CTNNBIP1: variants seen among roughly 807,000 people sequenced by gnomAD.
CTNNBIP1 encodes beta-catenin-interacting protein 1.
CTNNBIP1 carries 7 observed loss-of-function variants against 11.8 expected under a neutral mutation model. The ratio of observed to expected loss-of-function variants is 0.60; its 90% CI spans 0.34 to 1.12. The LOEUF (loss-of-function observed/expected upper bound fraction) is 1.12. CTNNBIP1 is among the 50% of genes most tolerant of loss of function. The pLI is 0.03. For missense variants in CTNNBIP1, 101 were observed against 113.4 expected (o/e 0.89, Z 0.50); for synonymous variants, 58 against 43.9 (o/e 1.32, Z -1.26).
chr1:9,890,674 C>T (rs369894624), intron 1 of CTNNBIP1, among the ~76,000 whole-genome samples: 16 of 152,284 alleles, frequency 1.1e-4, no homozygotes, highest in East Asian at 9.7e-4. Context: ...TGGGTACAAG[C>T]GCCCCCTCAC....
chr1:9,855,976 T>A (rs984282321), intron 5 of CTNNBIP1, among the ~76,000 whole-genome samples: 6 of 152,108 alleles, frequency 3.9e-5, no homozygotes, highest in African/African-American at 9.6e-5. Context: ...TGAAACCCCA[T>A]CTCTACTAAA....
Position 9,858,698 on chromosome 1 carries a change from C to G in CTNNBIP1, c.188-7922G>C, listed in dbSNP as rs188232000. ...TATTGAGCTGACCTTCCTTTCTCCA[C>G]TGGAACGTACATCTCATGTCATCAG... On this transcript the variant is annotated intron_variant, in intron 5 of 5. Coordinates refer to ENST00000377263, the MANE Select transcript of CTNNBIP1 (RefSeq NM_020248.3). Among the ~76,000 whole-genome samples the G allele has an allele frequency of 8.5e-4, 129 of 152,352 alleles. 1 individual carries two copies. The highest frequency in any genetic ancestry group is 3.1e-3 in the African/African-American group (127 of 41,570).
Position 9,872,939 on chromosome 1 carries a change from G to A in CTNNBIP1, c.-24-851C>T, listed in dbSNP as rs561853858. Reference sequence around the variant, plus strand: ...ATAACGCAGCAGCTGCTGGGGTGGAGCCTTATCAGCCCTGGTGCCAAGGAA... The same window carrying A: ...ATAACGCAGCAGCTGCTGGGGTGGAACCTTATCAGCCCTGGTGCCAAGGAA... On this transcript the variant is annotated intron_variant, in intron 3 of 5. Transcript: ENST00000377263. The surrounding 1 kb of genome is among the most constrained non-coding windows in gnomAD (Gnocchi z 4.0). Among the ~76,000 whole-genome samples, 122 of 152,252 alleles carry A rather than the reference G, an allele frequency of 8.0e-4. 1 individual carries two copies. The highest frequency in any genetic ancestry group is 1.3e-3 in the Non-Finnish European group (90 of 68,010).
At chr1:9,861,000 T>C (rs983270632) in intron 5 of CTNNBIP1, among the ~76,000 whole-genome samples, 3 of 152,238 alleles carry the variant, frequency 2.0e-5, no homozygotes, top group African/African-American at 7.2e-5. Flanking sequence ...GTCCAGGGAA[T>C]GCCACCTGGC....
intron 1 of CTNNBIP1, among the ~76,000 whole-genome samples, chr1:9,888,935 G>T (rs930890741): frequency 3.9e-5 from 6 of 152,344 alleles, no homozygotes; most frequent in Non-Finnish European, 8.8e-5. Flanking sequence ...GCCCCGCAAT[G>T]GCCAGAATGC....
At chr1:9,854,817 T>C (rs1638468956) in intron 5 of CTNNBIP1, among the ~76,000 whole-genome samples, 1 of 152,052 alleles carries the variant, frequency 6.6e-6, no homozygotes, top group African/African-American at 2.4e-5. Flanking sequence ...GCTGGGACTA[T>C]AGGTGTGTGC....
intron 5 of CTNNBIP1, among the ~76,000 whole-genome samples, chr1:9,855,897 A>C (rs2101435631): frequency 6.6e-6 from 1 of 152,008 alleles, no homozygotes; most frequent in East Asian, 1.9e-4. Context: ...TCGGCTAATT[A>C]ATTTTTTTTT....
At chr1:9,869,189 A>C (rs1432710572) in intron 5 of CTNNBIP1, among the ~76,000 whole-genome samples, 1 of 151,652 alleles carries the variant, frequency 6.6e-6, no homozygotes, top group Non-Finnish European at 1.5e-5. Context: ...TTGTAGCGAG[A>C]GGGTCTCCCT....
chr1:9,881,863 TG>T (rs1229604086), intron 2 of CTNNBIP1, among the ~76,000 whole-genome samples: 1 of 152,146 alleles, frequency 6.6e-6, no homozygotes, highest in Non-Finnish European at 1.5e-5. Context: ...GGTACAGAAC[TG>T]GGGCCGTGAC....
intron 5 of CTNNBIP1, among the ~76,000 whole-genome samples, chr1:9,866,418 G>A (rs1638746478): frequency 6.6e-6 from 1 of 152,180 alleles, no homozygotes; most frequent in Non-Finnish European, 1.5e-5. Flanking sequence ...TGGAGGCTGG[G>A]CATGGTGGCT....
At position 9,850,599 on chromosome 1, in the gene CTNNBIP1, G is replaced by A; in HGVS notation, c.*119C>T. 1 of 865,208 alleles carries A rather than the reference G, an allele frequency of 1.2e-6. No homozygotes were observed. The highest frequency in any genetic ancestry group is 1.9e-6 in the Non-Finnish European group (1 of 513,110). The allele number at this position is 865,208 out of a possible 1,614,324, so 53.6% of individuals were successfully genotyped here. On this transcript the variant is annotated 3_prime_UTR_variant, in exon 6 of 6. Coordinates refer to ENST00000377263, the MANE Select transcript of CTNNBIP1 (RefSeq NM_020248.3). ...CTGTGAGGTGGGGTGGGGCAGGGCA[G>A]GGTTGGGTAGGGGAAGGGGGAGGTG...
chr1:9,881,034 A>G (rs181974126), intron 2 of CTNNBIP1, among the ~76,000 whole-genome samples: 378 of 151,992 alleles, frequency 2.5e-3, no homozygotes, highest in Non-Finnish European at 4.2e-3. Context: ...CCATCTTTAA[A>G]TTCTTTTTTT....
At chr1:9,905,058 G>A (rs907674695) in intron 1 of CTNNBIP1, among the ~76,000 whole-genome samples, 2 of 152,176 alleles carry the variant, frequency 1.3e-5, no homozygotes, top group Non-Finnish European at 2.9e-5. Flanking sequence ...CCCAGGACAA[G>A]GAGAGCCTAT....
intron 5 of CTNNBIP1, among the ~76,000 whole-genome samples, chr1:9,857,416 G>A (rs1158268408): frequency 2.6e-5 from 4 of 151,236 alleles, no homozygotes; most frequent in South Asian, 2.1e-4. Context: ...GCGTGAACCC[G>A]GGAGGCAGAG....
intron 2 of CTNNBIP1, among the ~76,000 whole-genome samples, chr1:9,882,137 G>T (rs1196013968): frequency 6.6e-6 from 1 of 152,138 alleles, no homozygotes; most frequent in African/African-American, 2.4e-5. Context: ...GGGAGAGGCT[G>T]GCTGCCAATG....
chr1:9,858,409 T>G (rs984429572), intron 5 of CTNNBIP1, among the ~76,000 whole-genome samples: 1 of 152,172 alleles, frequency 6.6e-6, no homozygotes, highest in Non-Finnish European at 1.5e-5. Flanking sequence ...TGACTGCCAC[T>G]TCGCCTCCCT....
chr1:9,908,584 G>C (rs1438792051), intron 1 of CTNNBIP1, among the ~76,000 whole-genome samples: 1 of 151,406 alleles, frequency 6.6e-6, no homozygotes, highest in Admixed American at 6.6e-5. Flanking sequence ...CCGTGGTCTC[G>C]ATCTCCTAAC....
At chr1:9,879,256 G>T (rs1042297688) in intron 2 of CTNNBIP1, among the ~76,000 whole-genome samples, 1 of 152,024 alleles carries the variant, frequency 6.6e-6, no homozygotes, top group African/African-American at 2.4e-5. Flanking sequence ...ACTACCACAG[G>T]GCTCTCCGCT....
At chr1:9,873,795 C>T (rs931889545) in intron 3 of CTNNBIP1, among the ~76,000 whole-genome samples, 13 of 152,292 alleles carry the variant, frequency 8.5e-5, no homozygotes, top group East Asian at 3.9e-4. Flanking sequence ...AGTGTAGTGG[C>T]GCGATCATAG....
Sources: allele counts gnomAD v4.1 joint callset (sites outside exome capture counted in the v4.1 genomes callset), GRCh38; gene constraint gnomAD v4.1.1; non-coding constraint Gnocchi (gnomAD v3.1); transcripts MANE v1.5; gene names NCBI Gene and HGNC (gene_info 2026-07-23, HGNC 2026-07-21).